Variants in OSBPL10 observed in about 807,000 individuals in gnomAD.
OSBPL10 encodes oxysterol-binding protein-related protein 10.
OSBPL10 carries 49 observed loss-of-function variants against 81.7 expected under a neutral mutation model. That is an observed-to-expected ratio of 0.60 (90% CI 0.48 to 0.76). The LOEUF is 0.76. OSBPL10 is among the 30% of genes least tolerant of loss of function. The pLI is 0.00. For missense variants in OSBPL10, 923 were observed against 987.8 expected, an observed-to-expected ratio of 0.93 and a Z score of 0.88; for synonymous variants, 419 against 383.6, an observed-to-expected ratio of 1.09 and a Z score of -1.08.
chr3:31,691,761 C>G (rs190924031), intron 7 of OSBPL10, among the ~76,000 whole-genome samples: 1 of 151,948 alleles, frequency 6.6e-6, no homozygotes, highest in African/African-American at 2.4e-5. Context: ...GACTTCATAA[C>G]CTTGGGAGCC....
intron 2 of OSBPL10, among the ~76,000 whole-genome samples, chr3:31,878,802 ACT>A (rs2125636140): frequency 7.4e-6 from 1 of 134,324 alleles, no homozygotes; most frequent in African/African-American, 2.8e-5. Flanking sequence ...AATAATATAG[ACT>A]CTGCGTGTCC....
chr3:31,925,195 T>C (rs1218685772), intron 1 of OSBPL10, among the ~76,000 whole-genome samples: 5 of 152,078 alleles, frequency 3.3e-5, no homozygotes, highest in Admixed American at 1.3e-4. Flanking sequence ...GAAAAGCCCA[T>C]TTTCTCTGTC....
At chr3:31,862,950 C>A (rs1701094357) in intron 3 of OSBPL10, among the ~76,000 whole-genome samples, 1 of 152,112 alleles carries the variant, frequency 6.6e-6, no homozygotes, top group Non-Finnish European at 1.5e-5. Context: ...CAAACTCACA[C>A]AAAAACTGGC....
chr3:31,686,257 T>A (rs1254136839), intron 7 of OSBPL10, among the ~76,000 whole-genome samples: 2 of 152,134 alleles, frequency 1.3e-5, no homozygotes, highest in African/African-American at 4.8e-5. Context: ...TCTCATTCTG[T>A]CACAGCAACA....
intron 11 of OSBPL10, chr3:31,662,978 A>G: frequency 1.0e-6 from 1 of 985,490 alleles, no homozygotes; most frequent in Non-Finnish European, 1.2e-6. Flanking sequence ...TGTCTGAACC[A>G]GAATCCAACC....
chr3:31,674,673 A>T (rs1700417411), intron 8 of OSBPL10, among the ~76,000 whole-genome samples: 1 of 152,170 alleles, frequency 6.6e-6, no homozygotes, highest in African/African-American at 2.4e-5. Flanking sequence ...TGCTCTTGCC[A>T]TGTGACCCCC....
chr3:31,930,003 C>CAAAA (rs57256301), intron 1 of OSBPL10, among the ~76,000 whole-genome samples: 908 of 71,020 alleles, frequency 0.013, 23 homozygotes, highest in East Asian at 0.018. Context: ...TGTCACCAAC[C>CAAAA]AAAAAAAAAA....
chr3:32,038,624 A>G (rs1699542281), intron 2 of OSBPL10, among the ~76,000 whole-genome samples: 2 of 152,076 alleles, frequency 1.3e-5, no homozygotes. Context: ...ACCCAGCCAG[A>G]AAAAGCAAAT....
chr3:31,875,614 A>G (rs1456167508), intron 3 of OSBPL10, among the ~76,000 whole-genome samples: 1 of 152,106 alleles, frequency 6.6e-6, no homozygotes, highest in East Asian at 1.9e-4. Context: ...TGGAGGCAGA[A>G]CAGCCAGGTG....
At chr3:31,925,172 T>C (rs1697034011) in intron 1 of OSBPL10, among the ~76,000 whole-genome samples, 1 of 152,086 alleles carries the variant, frequency 6.6e-6, no homozygotes, top group Admixed American at 6.6e-5. Context: ...AGACTGGAAC[T>C]TCTCAAGGGC....
chr3:31,694,288 T>C (rs939729227), intron 7 of OSBPL10, among the ~76,000 whole-genome samples: 1 of 143,674 alleles, frequency 7.0e-6, no homozygotes, highest in Non-Finnish European at 1.5e-5. Flanking sequence ...GGAGAATCAC[T>C]TGAACTCGGG....
At chr3:31,810,937 G>A (rs893085860) in intron 4 of OSBPL10, among the ~76,000 whole-genome samples, 3 of 152,150 alleles carry the variant, frequency 2.0e-5, no homozygotes, top group Non-Finnish European at 2.9e-5. Flanking sequence ...GTTTGTAAGA[G>A]CAGAAAATTA....
chr3:31,921,429 G>A (rs369618787), intron 1 of OSBPL10, among the ~76,000 whole-genome samples: 3 of 152,234 alleles, frequency 2.0e-5, no homozygotes, highest in African/African-American at 7.2e-5. Context: ...TGTAGTACCA[G>A]GAAGTAAGGA....
At chr3:31,850,544 G>A (rs35795017) in intron 3 of OSBPL10, among the ~76,000 whole-genome samples, 28,214 of 151,994 alleles carry the variant, frequency 0.19, 3,227 homozygotes, top group Middle Eastern at 0.37. Context: ...AGCTTCCAAC[G>A]TGTAAAAAAG....
rs574866941 is a variant in OSBPL10 at position 31,996,355 on chromosome 3, T to TC, written n.298+50135dup. On this transcript the variant is annotated intron_variant and non_coding_transcript_variant, in intron 2 of 3. Coordinates refer to the OSBPL10 transcript ENST00000479173. ...GAGAGGACTTGATTTCTCTAAACTC[T>TC]CCCCCCCGTGCAAGGGAACAATGAT... 4.7e-3 allele frequency among the ~76,000 whole-genome samples: 711 copies of TC among 152,198 alleles called. 4 individuals carry two copies. Among genetic ancestry groups the TC allele is most frequent in the African/African-American group, 0.015 (616 of 41,534 alleles).
At chr3:31,794,609 A>G in intron 4 of OSBPL10, 1 of 352,402 alleles carries the variant, frequency 2.8e-6, no homozygotes, top group South Asian at 3.2e-5. Flanking sequence ...ATGCTGAAGA[A>G]CCTGGCACTT....
At chr3:31,888,854 G>C (rs1041455877) in intron 1 of OSBPL10, among the ~76,000 whole-genome samples, 1 of 152,136 alleles carries the variant, frequency 6.6e-6, no homozygotes, top group African/African-American at 2.4e-5. Context: ...AACCTGAGAG[G>C]TGGAGGTTGC....
At chr3:31,949,663 G>A (rs1404410088) in intron 1 of OSBPL10, among the ~76,000 whole-genome samples, 1 of 54,870 alleles carries the variant, frequency 1.8e-5, no homozygotes, top group African/African-American at 9.2e-5. Flanking sequence ...GCAAGACTCT[G>A]TCTCAAAAAA....
intron 1 of OSBPL10, among the ~76,000 whole-genome samples, chr3:32,071,046 T>G (rs558773668): frequency 1.3e-5 from 2 of 152,314 alleles, no homozygotes; most frequent in African/African-American, 4.8e-5. Flanking sequence ...ATTGATGACC[T>G]TCTACTTTGT....
Sources: gnomAD v4.1 joint callset for allele counts (sites outside exome capture counted in the v4.1 genomes callset) on GRCh38, gnomAD v4.1.1 for gene constraint, MANE v1.5 for transcripts, NCBI Gene and HGNC (gene_info 2026-07-23, HGNC 2026-07-21) for gene names.